The following SPINT2 variants were observed in gnomAD, a reference collection of about 807,000 sequenced individuals.
SPINT2 encodes the protein serine peptidase inhibitor, Kunitz type 2, also known as kunitz-type protease inhibitor 2.
SPINT2 carries 18 observed loss-of-function variants against 30.1 expected under a neutral mutation model. The observed-to-expected ratio is 0.60, with a 90% CI of 0.41 to 0.89. The LOEUF (loss-of-function observed/expected upper bound fraction) is 0.89. Ranked by LOEUF, SPINT2 falls within the 40% of genes least tolerant of loss-of-function variation. The pLI, the probability that SPINT2 is intolerant of heterozygous loss-of-function variation, is 0.00. For missense variants in SPINT2, 276 were observed against 334.3 expected (o/e 0.83, Z 1.36); for synonymous variants, 139 against 137.9 (o/e 1.01, Z -0.05).
chr19:38,268,562 T>G (rs1292223176), intron 1 of SPINT2, among the ~76,000 whole-genome samples: 1 of 152,224 alleles, frequency 6.6e-6, no homozygotes. Flanking sequence ...AGTACCTCTT[T>G]CAGGCAGGAG....
At chr19:38,271,968 C>T (rs545258871) in intron 1 of SPINT2, among the ~76,000 whole-genome samples, 1 of 152,170 alleles carries the variant, frequency 6.6e-6, no homozygotes, top group African/African-American at 2.4e-5. Context: ...CTGCTGGGCA[C>T]AATGGCTCAC....
At chr19:38,272,188 G>T (rs1037038414) in intron 1 of SPINT2, among the ~76,000 whole-genome samples, 4 of 152,148 alleles carry the variant, frequency 2.6e-5, no homozygotes, top group Admixed American at 2.0e-4. Flanking sequence ...GCGACAGAGC[G>T]AGACCCCATC....
At chr19:38,270,226 A>G (rs867984379) in intron 1 of SPINT2, among the ~76,000 whole-genome samples, 4 of 152,336 alleles carry the variant, frequency 2.6e-5, no homozygotes, top group South Asian at 2.1e-4. Flanking sequence ...GAAGAGCTAA[A>G]GTAAAGCTGG....
chr19:38,290,499 G>A lies in SPINT2; in HGVS notation c.554-38G>A. The A allele has an allele frequency of 1.2e-6, 2 of 1,613,934 alleles. No individual in the cohort carries two copies. The highest frequency in any genetic ancestry group is 1.7e-6 in the Non-Finnish European group (2 of 1,179,932). On this transcript the variant is annotated intron_variant, in intron 5 of 6. Transcript: ENST00000301244. The surrounding 1 kb of genome is among the most constrained non-coding windows in gnomAD (Gnocchi z 4.3). Reference sequence around the variant, plus strand: ...CCCTGCGGCAGCTCTGTGGAATGGGGGCTGTGAGCTGACCTCAGGCTGTGT... The same window carrying A: ...CCCTGCGGCAGCTCTGTGGAATGGGAGCTGTGAGCTGACCTCAGGCTGTGT...
At chr19:38,269,607 C>CT (rs1189751582) in intron 1 of SPINT2, among the ~76,000 whole-genome samples, 6,697 of 106,108 alleles carry the variant, frequency 0.063, 306 homozygotes, top group Admixed American at 0.099. Context: ...GATTTCTTTT[C>CT]TTTTTTTTTT....
At chr19:38,276,401 G>A (rs1600339039) in intron 1 of SPINT2, among the ~76,000 whole-genome samples, 1 of 152,224 alleles carries the variant, frequency 6.6e-6, no homozygotes, top group Middle Eastern at 3.4e-3. Flanking sequence ...CCAGCACTTC[G>A]GGAGGCCGAG....
chr19:38,264,848 C>A lies in SPINT2; in HGVS notation c.-45C>A, dbSNP rs891191763. 5.9e-6 allele frequency: 9 copies of A among 1,523,398 alleles called. No homozygotes were observed. The highest frequency in any genetic ancestry group is 7.0e-6 in the Non-Finnish European group (8 of 1,137,712). 94.4% of individuals were successfully genotyped at this position (1,523,398 alleles called of 1,614,324 possible). A position where few individuals can be genotyped will look rare whatever the true frequency, so the allele number is the denominator to read the frequency against. On this transcript the variant is annotated 5_prime_UTR_variant, in exon 1 of 7. Coordinates refer to ENST00000301244, the MANE Select transcript of SPINT2 (RefSeq NM_021102.4). Reference sequence around the variant, plus strand: ...GGCTTCCCGCACCTGATCGCGAGACCCCAACGGCTGGTGGCGTCGCCTGCG... The same window carrying A: ...GGCTTCCCGCACCTGATCGCGAGACACCAACGGCTGGTGGCGTCGCCTGCG...
rs746753356 is a variant in SPINT2, at chr19:38,290,090, T to G, written c.392-29T>G. 4 of 1,612,136 alleles carry G rather than the reference T, an allele frequency of 2.5e-6. No individual in the cohort carries two copies. Among genetic ancestry groups the G allele is most frequent in the Non-Finnish European group, 2.5e-6 (3 of 1,179,970 alleles). On this transcript the variant is annotated intron_variant, in intron 4 of 6. Coordinates refer to ENST00000301244, the MANE Select transcript of SPINT2 (RefSeq NM_021102.4). The surrounding 1 kb of genome is among the most constrained non-coding windows in gnomAD (Gnocchi z 4.3). ...TCCCCTCCTTGCGGGCCCTACTAAT[T>G]TGTATTCCCTGGGCTGTCTTACTCC...
intron 1 of SPINT2, among the ~76,000 whole-genome samples, chr19:38,280,291 G>C (rs991424866): frequency 2.0e-5 from 3 of 152,194 alleles, no homozygotes; most frequent in Admixed American, 6.6e-5. Flanking sequence ...TGGCCTGCCT[G>C]ACAGATTCTG....
chr19:38,289,506 A>AAC (rs1215821975), intron 4 of SPINT2: 11 of 241,730 alleles, frequency 4.6e-5, no homozygotes, highest in African/African-American at 2.3e-4. Context: ...AAAAAAAAAA[A>AAC]AAAAAAACTC....
chr19:38,266,675 C>CAAA (rs5828007), intron 1 of SPINT2, among the ~76,000 whole-genome samples: 2 of 139,512 alleles, frequency 1.4e-5, no homozygotes, highest in Non-Finnish European at 1.6e-5. Context: ...GACTCAGTCT[C>CAAA]AAAAAAAAAA....
At chr19:38,275,555 C>T (rs907009671) in intron 1 of SPINT2, among the ~76,000 whole-genome samples, 1 of 152,008 alleles carries the variant, frequency 6.6e-6, no homozygotes, top group Non-Finnish European at 1.5e-5. Flanking sequence ...GAAATCCTGA[C>T]CACAGGTGTG....
At chr19:38,269,992 C>G (rs1248611723) in intron 1 of SPINT2, among the ~76,000 whole-genome samples, 1 of 152,098 alleles carries the variant, frequency 6.6e-6, no homozygotes, top group Non-Finnish European at 1.5e-5. Flanking sequence ...TCTCAAAGTG[C>G]TGGGATTACA....
At chr19:38,289,381 G>C (rs1315827362) in intron 4 of SPINT2, 190 bp downstream of exon 4, 1 of 472,212 alleles carries the variant, frequency 2.1e-6, no homozygotes, top group Non-Finnish European at 4.0e-6. Flanking sequence ...CTACTCAGGA[G>C]ACTGAGGCAG....
chr19:38,270,295 TAGA>T (rs1451934639), intron 1 of SPINT2, among the ~76,000 whole-genome samples: 1 of 152,166 alleles, frequency 6.6e-6, no homozygotes, highest in Non-Finnish European at 1.5e-5. Context: ...TTATCCTCCA[TAGA>T]AGGAGTGCTT....
intron 1 of SPINT2, among the ~76,000 whole-genome samples, chr19:38,276,374 G>A (rs902118972): frequency 2.6e-5 from 4 of 152,136 alleles, no homozygotes; most frequent in Admixed American, 1.3e-4. Flanking sequence ...CAGGCGTGGT[G>A]GCTCACGCCT....
rs575926248 is a variant in SPINT2, at chr19:38,287,812, A to T, written c.278-64A>T. 20 of 1,578,668 alleles carry T rather than the reference A, an allele frequency of 1.3e-5. No homozygotes were observed. In the East Asian group the frequency reaches 4.5e-4, roughly 35 times the overall value. On this transcript the variant is annotated intron_variant, in intron 2 of 6. Coordinates refer to ENST00000301244, the MANE Select transcript of SPINT2 (RefSeq NM_021102.4). ...GGTGAGAGGCGCACAGGGCCAGCTC[A>T]TTCTTTGTCCCTGGCAGTCTCTCGA... is the stretch of plus-strand genomic sequence containing the variant.
intron 1 of SPINT2, 102 bp downstream of exon 1, chr19:38,265,100 G>A: frequency 2.0e-6 from 2 of 986,436 alleles, no homozygotes; most frequent in South Asian, 1.6e-5. Flanking sequence ...GGAAACTGGG[G>A]GCTACTTGAT....
chr19:38,281,326 A>C (rs1478222153), intron 1 of SPINT2, among the ~76,000 whole-genome samples: 1 of 151,980 alleles, frequency 6.6e-6, no homozygotes, highest in East Asian at 1.9e-4. Flanking sequence ...AGGTGGGAGG[A>C]TCACTTGAGC....
Sources: gnomAD v4.1 joint callset for allele counts (sites outside exome capture counted in the v4.1 genomes callset) on GRCh38, gnomAD v4.1.1 for gene constraint, Gnocchi (gnomAD v3.1) non-coding constraint, MANE v1.5 for transcripts, NCBI Gene and HGNC (gene_info 2026-07-23, HGNC 2026-07-21) for gene names.